ZCCHC24: variants seen among roughly 807,000 people sequenced by gnomAD.
ZCCHC24 encodes the protein zinc finger CCHC-type containing 24.
In ZCCHC24, 10 loss-of-function variants were observed where a neutral mutation model predicts 26.2. The ratio of observed to expected loss-of-function variants is 0.38; its 90% CI spans 0.24 to 0.65. The LOEUF (loss-of-function observed/expected upper bound fraction) is 0.65. ZCCHC24 is among the 30% of genes least tolerant of loss of function. ZCCHC24 has a pLI of 0.54. For missense variants in ZCCHC24, 243 were observed against 329.1 expected (o/e 0.74, Z 2.03); for synonymous variants, 144 against 147.1 (o/e 0.98, Z 0.15).
At position 79,445,367 on chromosome 10, in the gene ZCCHC24, T is replaced by A; in HGVS notation, c.74A>T (p.Tyr25Phe). 5 of 1,537,238 alleles carry A rather than the reference T, an allele frequency of 3.3e-6. No homozygotes were observed. The highest frequency in any genetic ancestry group is 3.5e-6 in the Non-Finnish European group (4 of 1,144,568). ...YQPAQLLNWV[Y>F]LSLQDTHQAS... is the part of the protein sequence containing the mutation. The stretch of plus-strand genomic sequence containing the variant: ...CTGGTGCGTGTCCTGCAGCGACAGG[T>A]AGACCCAGTTGAGCAGCTGGGCGGG... Residue 25 changes from tyrosine (Y) to phenylalanine (F), a missense_variant, in exon 1 of 4, where the codon TAC (tyrosine) becomes TTC (phenylalanine). Transcript: ENST00000372336.
chr10:79,403,224 C>G lies in ZCCHC24; in HGVS notation c.448-8784G>C, dbSNP rs558795688. On this transcript the variant is annotated intron_variant, in intron 2 of 3. Coordinates refer to ENST00000372336, the MANE Select transcript of ZCCHC24 (RefSeq NM_153367.4). ...ACCTCCCAAGTGACAGGCATGGGAC[C>G]TATGCATGCCACATGAAATTATCTC... Among the ~76,000 whole-genome samples, 3 of 152,262 alleles carry G rather than the reference C, an allele frequency of 2.0e-5. No individual in the cohort carries two copies. In the South Asian group the frequency reaches 6.2e-4, roughly 32 times the overall value.
At chr10:79,436,683 C>T (rs1857221766) in intron 1 of ZCCHC24, among the ~76,000 whole-genome samples, 1 of 152,230 alleles carries the variant, frequency 6.6e-6, no homozygotes, top group Non-Finnish European at 1.5e-5. Context: ...CGATGGTCAC[C>T]AGCAGGGAAG....
intron 3 of ZCCHC24, among the ~76,000 whole-genome samples, chr10:79,386,937 G>A (rs1014699287): frequency 2.6e-5 from 4 of 152,160 alleles, no homozygotes; most frequent in East Asian, 1.9e-4. Context: ...CCACAGCAAC[G>A]GAGGCCTGGA....
chr10:79,399,583 T>C (rs1856602503), intron 2 of ZCCHC24, among the ~76,000 whole-genome samples: 1 of 152,082 alleles, frequency 6.6e-6, no homozygotes, highest in African/African-American at 2.4e-5. Flanking sequence ...GGGGACTCAC[T>C]CAAGGACACA....
At chr10:79,417,105 T>C (rs1856874744) in intron 2 of ZCCHC24, among the ~76,000 whole-genome samples, 1 of 152,094 alleles carries the variant, frequency 6.6e-6, no homozygotes, top group Non-Finnish European at 1.5e-5. Context: ...GGGATCACAA[T>C]CAAAAGAGAA....
chr10:79,414,341 T>C (rs1347013008), intron 2 of ZCCHC24, among the ~76,000 whole-genome samples: 1 of 152,224 alleles, frequency 6.6e-6, no homozygotes, highest in Non-Finnish European at 1.5e-5. Flanking sequence ...GAATAATAAC[T>C]GCAGTTGGAA....
chr10:79,407,397 C>T (rs1383199803), intron 2 of ZCCHC24, among the ~76,000 whole-genome samples: 6 of 152,236 alleles, frequency 3.9e-5, no homozygotes, highest in South Asian at 2.1e-4. Flanking sequence ...TTTCTGATTC[C>T]AGATTCCTGA....
intron 1 of ZCCHC24, among the ~76,000 whole-genome samples, chr10:79,433,796 G>A (rs1684819597): frequency 1.3e-5 from 2 of 152,308 alleles, no homozygotes; most frequent in Non-Finnish European, 2.9e-5. Flanking sequence ...CAGGGCCTCT[G>A]AAAGGAAGGG....
chr10:79,400,366 A>G (rs1159723325), intron 2 of ZCCHC24, among the ~76,000 whole-genome samples: 4 of 152,158 alleles, frequency 2.6e-5, no homozygotes, highest in African/African-American at 9.7e-5. Flanking sequence ...ATTACGTTAT[A>G]CCCTTTGGAT....
intron 1 of ZCCHC24, among the ~76,000 whole-genome samples, chr10:79,433,180 C>G (rs1857159894): frequency 6.6e-6 from 1 of 152,250 alleles, no homozygotes; most frequent in Admixed American, 6.5e-5. Flanking sequence ...GGGGCTCTGC[C>G]ACTAACTGGT....
At chr10:79,405,388 A>T (rs1000117515) in intron 2 of ZCCHC24, among the ~76,000 whole-genome samples, 2 of 152,172 alleles carry the variant, frequency 1.3e-5, no homozygotes, top group Non-Finnish European at 2.9e-5. Context: ...GGACACCAGG[A>T]GTGGCAGTGC....
intron 2 of ZCCHC24, among the ~76,000 whole-genome samples, chr10:79,422,069 T>A (rs2132206157): frequency 6.6e-6 from 1 of 152,110 alleles, no homozygotes; most frequent in Admixed American, 6.6e-5. Flanking sequence ...CTTCGCATGC[T>A]CCCTAACATG....
rs3997797 is a variant in ZCCHC24, at chr10:79,428,598, T to C, written c.447+3960A>G. On this transcript the variant is annotated intron_variant, in intron 2 of 3. Coordinates refer to ENST00000372336, the MANE Select transcript of ZCCHC24 (RefSeq NM_153367.4). ...GGTTAAGATGGTAAATTTTATGCCA[T>C]ATGTATTTTAAATATAATTTAAAAG... Among the ~76,000 whole-genome samples, 1,032 of 152,296 alleles carry C rather than the reference T, an allele frequency of 6.8e-3. 30 individuals carry two copies. The East Asian group carries it at 0.081, about 12-fold the overall frequency.
At chr10:79,399,882 CTT>C (rs1040468644) in intron 2 of ZCCHC24, among the ~76,000 whole-genome samples, 12 of 152,320 alleles carry the variant, frequency 7.9e-5, no homozygotes, top group South Asian at 6.2e-4. Flanking sequence ...CGTGAAATCT[CTT>C]GAGGTTGGCT....
At chr10:79,400,952 A>AGTGAT (rs1856621239) in intron 2 of ZCCHC24, among the ~76,000 whole-genome samples, 1 of 152,238 alleles carries the variant, frequency 6.6e-6, no homozygotes. Context: ...TTGAAGTCCC[A>AGTGAT]CCACGAGTGA....
At chr10:79,392,306 G>A (rs983603841) in intron 3 of ZCCHC24, among the ~76,000 whole-genome samples, 1 of 152,150 alleles carries the variant, frequency 6.6e-6, no homozygotes, top group Non-Finnish European at 1.5e-5. Flanking sequence ...GGCCTGGGAT[G>A]CGGCTGGGTG....
chr10:79,410,565 A>T (rs1024317551), intron 2 of ZCCHC24, among the ~76,000 whole-genome samples: 2 of 152,194 alleles, frequency 1.3e-5, no homozygotes, highest in Admixed American at 1.3e-4. Context: ...GGGCTAGACC[A>T]CGGGAAGCAT....
chr10:79,432,832 C>T (rs551702831), intron 1 of ZCCHC24, 74 bp from the exon 2 acceptor site: 20 of 1,484,058 alleles, frequency 1.3e-5, no homozygotes, highest in South Asian at 1.1e-4. Flanking sequence ...CCCAAACACA[C>T]GCATGGATTC....
At position 79,405,002 on chromosome 10, in the gene ZCCHC24, G is replaced by A. The variant is rs144340651; in HGVS notation, c.448-10562C>T. On this transcript the variant is annotated intron_variant, in intron 2 of 3. Transcript: ENST00000372336. ...CCCTGGTCTCCCTGGCCCAGAGAGGGCTAATGCACTGCTCAGGAGCTCACT... is the reference window on the plus strand; with the variant it reads ...CCCTGGTCTCCCTGGCCCAGAGAGGACTAATGCACTGCTCAGGAGCTCACT... Among the ~76,000 whole-genome samples the A allele has an allele frequency of 9.4e-3, 1,439 of 152,320 alleles. 9 individuals are homozygous for A. Among genetic ancestry groups the A allele is most frequent in the Non-Finnish European group, 0.014 (969 of 68,026 alleles).
Sources: gnomAD v4.1 joint callset for allele counts (sites outside exome capture counted in the v4.1 genomes callset) on GRCh38, gnomAD v4.1.1 for gene constraint, MANE v1.5 for transcripts, NCBI Gene and HGNC (gene_info 2026-07-23, HGNC 2026-07-21) for gene names.